ANKS1A: variants seen among roughly 807,000 people sequenced by gnomAD.
ANKS1A encodes ankyrin repeat and SAM domain-containing protein 1A.
In ANKS1A, 55 loss-of-function variants were observed where a neutral mutation model predicts 120.3. That is an observed-to-expected ratio of 0.46 (90% confidence interval 0.37 to 0.57). The LOEUF (loss-of-function observed/expected upper bound fraction) is 0.57, where lower values mean the gene tolerates loss of function less well. ANKS1A is among the 20% of genes least tolerant of loss of function. The pLI is 0.00. For missense variants in ANKS1A, 1,123 were observed against 1,480.3 expected (o/e 0.76, Z 3.96); for synonymous variants, 590 against 604.7 (o/e 0.98, Z 0.36).
At chr6:34,890,528 G>C (rs1262052809) in intron 1 of ANKS1A, among the ~76,000 whole-genome samples, 2 of 152,190 alleles carry the variant, frequency 1.3e-5, no homozygotes, top group African/African-American at 4.8e-5. Context: ...GGCATATGCA[G>C]GATTCATCCA....
chr6:34,945,927 A>G (rs890636892), intron 1 of ANKS1A, among the ~76,000 whole-genome samples: 6 of 150,476 alleles, frequency 4.0e-5, no homozygotes, highest in African/African-American at 1.5e-4. Flanking sequence ...TCTTTTTGAT[A>G]TTAGTAATTT....
intron 13 of ANKS1A, among the ~76,000 whole-genome samples, chr6:35,071,249 T>C (rs1777071640): frequency 7.0e-6 from 1 of 142,152 alleles, no homozygotes; most frequent in South Asian, 2.1e-4. Flanking sequence ...CTAAAATGTA[T>C]GAAATCAAAG....
At position 35,044,800 on chromosome 6, in the gene ANKS1A, T is replaced by A. The variant is rs1408868231; in HGVS notation, c.2011-9299T>A. 6.6e-6 allele frequency among the ~76,000 whole-genome samples: 1 copy of A among 152,242 alleles called. No homozygotes were observed. The highest frequency in any genetic ancestry group is 2.1e-4 in the South Asian group (1 of 4,834). On this transcript the variant is annotated intron_variant, in intron 11 of 23. Transcript: ENST00000360359. The surrounding 1 kb of genome is among the most constrained non-coding windows in gnomAD (Gnocchi z 4.4). ...TGATTAACTTGTTTTTTAGATAGAATTTTGTTTATTTTGGAACCAGATAAA... is the reference window on the plus strand; with the variant it reads ...TGATTAACTTGTTTTTTAGATAGAAATTTGTTTATTTTGGAACCAGATAAA...
intron 1 of ANKS1A, among the ~76,000 whole-genome samples, chr6:34,931,462 A>G (rs772089415): frequency 3.9e-5 from 6 of 152,078 alleles, no homozygotes; most frequent in Non-Finnish European, 7.4e-5. Context: ...GCTGTTTTCA[A>G]TATTGGACCT....
At chr6:34,981,354 T>G (rs185173620) in intron 3 of ANKS1A, among the ~76,000 whole-genome samples, 1 of 152,334 alleles carries the variant, frequency 6.6e-6, no homozygotes, top group Admixed American at 6.5e-5. Flanking sequence ...GTGATATTAT[T>G]GGTATTCATC....
intron 2 of ANKS1A, among the ~76,000 whole-genome samples, chr6:34,968,718 A>G (rs556076697): frequency 6.4e-4 from 98 of 152,018 alleles, no homozygotes; most frequent in African/African-American, 2.3e-3. Flanking sequence ...GATTACAGGC[A>G]TGAGCCACTG....
intron 1 of ANKS1A, among the ~76,000 whole-genome samples, chr6:34,950,216 TTCTC>T (rs1281266944): frequency 1.4e-5 from 2 of 145,948 alleles, no homozygotes; most frequent in African/African-American, 2.7e-5. Context: ...GGTTTTTCTT[TTCTC>T]TCTTTTTTTT....
intron 13 of ANKS1A, among the ~76,000 whole-genome samples, chr6:35,076,149 C>T (rs373362895): frequency 2.0e-5 from 3 of 152,126 alleles, no homozygotes; most frequent in African/African-American, 4.8e-5. Flanking sequence ...GCTGTCCGGG[C>T]GCAGTGGCTC....
chr6:35,039,802 C>G (rs1775365871), intron 11 of ANKS1A: 1 of 310,708 alleles, frequency 3.2e-6, no homozygotes, highest in Admixed American at 4.3e-5. Flanking sequence ...TTAGGAAGCT[C>G]AGGCTTCTGT....
At position 35,085,622 on chromosome 6, in the gene ANKS1A, A is replaced by C; in HGVS notation, c.3133-144A>C. ...AACAGAGACCTAGGAAGAGTAAAGG[A>C]GGGAAAGGAGGGAAGAGTGGAAGGA... On this transcript the variant is annotated intron_variant, in intron 21 of 23. Coordinates refer to ENST00000360359, the MANE Select transcript of ANKS1A (RefSeq NM_015245.3). The surrounding 1 kb of genome is among the most constrained non-coding windows in gnomAD (Gnocchi z 4.7). 1 of 742,414 alleles carries C rather than the reference A, an allele frequency of 1.3e-6. No individual in the cohort carries two copies. Among genetic ancestry groups the C allele is most frequent in the Non-Finnish European group, 2.1e-6 (1 of 482,978 alleles). The allele number at this position is 742,414 out of a possible 1,614,324, so 46.0% of individuals were successfully genotyped here. A position where few individuals can be genotyped will look rare whatever the true frequency, so the allele number is the denominator to read the frequency against.
intron 11 of ANKS1A, among the ~76,000 whole-genome samples, chr6:35,036,761 C>T (rs1208142737): frequency 6.6e-6 from 1 of 152,220 alleles, no homozygotes; most frequent in Admixed American, 6.5e-5. Context: ...TTCCTTCTTT[C>T]TCTCATATGT....
chr6:34,982,948 G>T lies in ANKS1A; in HGVS notation c.808+121G>T. The T allele has an allele frequency of 1.5e-6, 2 of 1,321,078 alleles. No homozygotes were observed. Among genetic ancestry groups the T allele is most frequent in the South Asian group, 2.4e-5 (2 of 82,876 alleles). The allele number at this position is 1,321,078 out of a possible 1,614,324, so 81.8% of individuals were successfully genotyped here. A position where few individuals can be genotyped will look rare whatever the true frequency, so the allele number is the denominator to read the frequency against. On this transcript the variant is annotated intron_variant, in intron 5 of 23. Coordinates refer to ENST00000360359, the MANE Select transcript of ANKS1A (RefSeq NM_015245.3). This position sits in a 1 kb window ranked among gnomAD's most constrained non-coding sequence, Gnocchi z 4.9. ...ACTCAATGTATGTGTATCTCCACTG[G>T]TTGATTACAAGTGTGTAAACTGTTC...
chr6:35,016,073 C>T (rs1437005193), intron 10 of ANKS1A, among the ~76,000 whole-genome samples: 1 of 152,144 alleles, frequency 6.6e-6, no homozygotes, highest in Non-Finnish European at 1.5e-5. Flanking sequence ...ACTATCATGA[C>T]ATTAAAGGGA....
chr6:35,031,749 C>G (rs1336870901), intron 11 of ANKS1A, among the ~76,000 whole-genome samples: 1 of 152,132 alleles, frequency 6.6e-6, no homozygotes, highest in Non-Finnish European at 1.5e-5. Flanking sequence ...CCTTGCTTCC[C>G]TATTGCTATG....
intron 11 of ANKS1A, among the ~76,000 whole-genome samples, chr6:35,035,849 C>T (rs1478483167): frequency 6.6e-6 from 1 of 152,172 alleles, no homozygotes; most frequent in Non-Finnish European, 1.5e-5. Context: ...AGAAACCAGG[C>T]CTTTTGGAAA....
chr6:34,944,649 T>C (rs1769697863), intron 1 of ANKS1A, among the ~76,000 whole-genome samples: 1 of 152,182 alleles, frequency 6.6e-6, no homozygotes, highest in African/African-American at 2.4e-5. Flanking sequence ...AATCTGTGCA[T>C]ACCCAAGTTT....
At chr6:34,946,444 C>G (rs890125262) in intron 1 of ANKS1A, among the ~76,000 whole-genome samples, 1 of 151,856 alleles carries the variant, frequency 6.6e-6, no homozygotes, top group Non-Finnish European at 1.5e-5. Context: ...AAATATTAGT[C>G]GGGCATGGTG....
chr6:35,079,790 A>G, intron 15 of ANKS1A, 31 bp from the exon 16 acceptor site: 2 of 1,596,616 alleles, frequency 1.3e-6, no homozygotes, highest in Non-Finnish European at 1.7e-6. Context: ...TGGCCACCTG[A>G]CCTGTCACCT....
chr6:35,082,627 A>G lies in ANKS1A; in HGVS notation c.2710-64A>G. On this transcript the variant is annotated intron_variant, in intron 17 of 23. Transcript: ENST00000360359. The surrounding 1 kb of genome is among the most constrained non-coding windows in gnomAD (Gnocchi z 4.1). ...CTTCACCCTTGAGTGTGCTGGAGCCAGGCAGCAAGCCCATGTGCTCCTCTG... is the reference window on the plus strand; with the variant it reads ...CTTCACCCTTGAGTGTGCTGGAGCCGGGCAGCAAGCCCATGTGCTCCTCTG... 1 of 1,533,516 alleles carries G rather than the reference A, an allele frequency of 6.5e-7. No homozygotes were observed. The highest frequency in any genetic ancestry group is 8.8e-7 in the Non-Finnish European group (1 of 1,139,462). 95.0% of individuals were successfully genotyped at this position (1,533,516 alleles called of 1,614,324 possible).
Sources: gnomAD v4.1 joint callset for allele counts (sites outside exome capture counted in the v4.1 genomes callset) on GRCh38, gnomAD v4.1.1 for gene constraint, Gnocchi (gnomAD v3.1) non-coding constraint, MANE v1.5 for transcripts, NCBI Gene and HGNC (gene_info 2026-07-23, HGNC 2026-07-21) for gene names.